EPHA5: variants seen among roughly 807,000 people sequenced by gnomAD.
The protein encoded by EPHA5 is ephrin type-A receptor 5.
A neutral mutation model predicts 105.0 loss-of-function variants in EPHA5; 60 were observed. That is an observed-to-expected ratio of 0.57 (90% CI 0.46 to 0.71). EPHA5 has a LOEUF of 0.71. EPHA5 is among the 30% of genes least tolerant of loss of function. The pLI is 0.00. For synonymous variants in EPHA5, 513 were observed against 449.1 expected, an observed-to-expected ratio of 1.14 and a Z score of -1.80; for missense variants, 1,218 against 1,274.7, an observed-to-expected ratio of 0.96 and a Z score of 0.68.
chr4:65,493,314 T>G (rs1227001522), intron 4 of EPHA5, among the ~76,000 whole-genome samples: 1 of 152,088 alleles, frequency 6.6e-6, no homozygotes, highest in Admixed American at 6.6e-5. Flanking sequence ...TCATCAGGAT[T>G]TTAGGTTTTA....
chr4:65,523,621 T>G (rs377582256), intron 3 of EPHA5, among the ~76,000 whole-genome samples: 18 of 152,108 alleles, frequency 1.2e-4, no homozygotes, highest in African/African-American at 4.1e-4. Context: ...CTATGGTATT[T>G]TCCTTTATAG....
At chr4:65,645,587 A>T (rs1748045999) in intron 1 of EPHA5, among the ~76,000 whole-genome samples, 1 of 151,960 alleles carries the variant, frequency 6.6e-6, no homozygotes, top group Non-Finnish European at 1.5e-5. Flanking sequence ...CACTTGAATT[A>T]GGTTTAAACT....
At chr4:65,644,091 A>G (rs1053250097) in intron 1 of EPHA5, among the ~76,000 whole-genome samples, 5 of 152,138 alleles carry the variant, frequency 3.3e-5, no homozygotes, top group Middle Eastern at 3.4e-3. Flanking sequence ...TCTAAAAAGG[A>G]TGTTTCATGT....
chr4:65,470,469 C>T (rs951930198), intron 5 of EPHA5, among the ~76,000 whole-genome samples: 3 of 152,056 alleles, frequency 2.0e-5, no homozygotes, highest in African/African-American at 7.2e-5. Flanking sequence ...TGGCATTACA[C>T]GTGTGAACCA....
intron 2 of EPHA5, among the ~76,000 whole-genome samples, chr4:65,619,963 TG>T (rs1269766307): frequency 1.3e-5 from 2 of 151,116 alleles, no homozygotes; most frequent in African/African-American, 4.8e-5. Context: ...TTCATCCCTA[TG>T]CTCAATTTGA....
intron 14 of EPHA5, among the ~76,000 whole-genome samples, chr4:65,340,728 A>G (rs1353533015): frequency 6.6e-6 from 1 of 152,150 alleles, no homozygotes; most frequent in African/African-American, 2.4e-5. Flanking sequence ...TGTTTTCTGA[A>G]CCTATGCGAA....
chr4:65,404,243 A>G (rs1203373501), intron 8 of EPHA5, 131 bp downstream of exon 8: 1 of 651,462 alleles, frequency 1.5e-6, no homozygotes, highest in African/African-American at 1.8e-5. Flanking sequence ...GAATTGCATC[A>G]TGTATTGAGA....
At chr4:65,625,477 A>G (rs1746053035) in intron 2 of EPHA5, among the ~76,000 whole-genome samples, 1 of 152,200 alleles carries the variant, frequency 6.6e-6, no homozygotes. Context: ...CCAGTCATCA[A>G]CTGATGCCAG....
At chr4:65,395,112 T>C (rs1475015157) in intron 8 of EPHA5, among the ~76,000 whole-genome samples, 4 of 152,180 alleles carry the variant, frequency 2.6e-5, no homozygotes, top group Non-Finnish European at 5.9e-5. Flanking sequence ...AGTCATTGCT[T>C]TGACTAACAT....
Position 65,450,696 on chromosome 4 carries a change from C to T in EPHA5, c.1403-30131G>A, listed in dbSNP as rs191723505. Among the ~76,000 whole-genome samples the T allele has an allele frequency of 7.4e-4, 112 of 152,246 alleles. 1 individual carries two copies. Among genetic ancestry groups the T allele is most frequent in the African/African-American group, 2.6e-3 (108 of 41,560 alleles). ...TGGATTAAAAAATAAAAGTGACATA[C>T]TTGCAGCTCAATTCATTTTTTTGAC... is the stretch of plus-strand genomic sequence containing the variant. On this transcript the variant is annotated intron_variant, in intron 5 of 16. Coordinates refer to ENST00000613740, the MANE Select transcript of EPHA5 (RefSeq NM_001281766.3).
chr4:65,361,289 G>A (rs527714762), intron 11 of EPHA5, among the ~76,000 whole-genome samples: 1 of 151,758 alleles, frequency 6.6e-6, no homozygotes, highest in South Asian at 2.1e-4. Context: ...CCTGAAGGTC[G>A]AGTAGAGAGA....
intron 11 of EPHA5, among the ~76,000 whole-genome samples, chr4:65,361,225 A>C (rs931393999): frequency 6.6e-6 from 1 of 151,692 alleles, no homozygotes; most frequent in Non-Finnish European, 1.5e-5. Context: ...TCAAGATTGA[A>C]GGAAAAATGA....
At chr4:65,464,353 A>T (rs952876473) in intron 5 of EPHA5, among the ~76,000 whole-genome samples, 1 of 152,006 alleles carries the variant, frequency 6.6e-6, no homozygotes, top group Non-Finnish European at 1.5e-5. Context: ...AAACAACAAA[A>T]AGAAGAAGAT....
intron 3 of EPHA5, among the ~76,000 whole-genome samples, chr4:65,505,231 C>G (rs991896033): frequency 6.6e-6 from 1 of 151,958 alleles, no homozygotes; most frequent in African/African-American, 2.4e-5. Flanking sequence ...AAGCATTATG[C>G]CTTCTCTACT....
At chr4:65,414,024 AG>A (rs1723156249) in intron 7 of EPHA5, among the ~76,000 whole-genome samples, 1 of 152,196 alleles carries the variant, frequency 6.6e-6, no homozygotes, top group Non-Finnish European at 1.5e-5. Context: ...AGTCTTTAAA[AG>A]CAAGTTTAAA....
At chr4:65,511,380 A>G (rs1303128866) in intron 3 of EPHA5, among the ~76,000 whole-genome samples, 1 of 152,222 alleles carries the variant, frequency 6.6e-6, no homozygotes, top group African/African-American at 2.4e-5. Context: ...TTTAAAAAAT[A>G]AATGAAAGAT....
intron 3 of EPHA5, among the ~76,000 whole-genome samples, chr4:65,584,771 G>A (rs1403084195): frequency 6.6e-6 from 1 of 151,884 alleles, no homozygotes; most frequent in South Asian, 2.1e-4. Context: ...AGGATCAAGT[G>A]CCTAAGTGTT....
At chr4:65,638,694 G>T (rs754879133) in intron 2 of EPHA5, among the ~76,000 whole-genome samples, 26 of 152,146 alleles carry the variant, frequency 1.7e-4, no homozygotes, top group Admixed American at 6.5e-5. Flanking sequence ...AGTTGAGATC[G>T]TGCCATTGCA....
At chr4:65,378,974 T>C (rs1340462475) in intron 8 of EPHA5, among the ~76,000 whole-genome samples, 3 of 151,946 alleles carry the variant, frequency 2.0e-5, no homozygotes, top group African/African-American at 7.2e-5. Flanking sequence ...AAATGAACAA[T>C]TACTGGTTGT....
Sources: allele counts gnomAD v4.1 joint callset (sites outside exome capture counted in the v4.1 genomes callset), GRCh38; gene constraint gnomAD v4.1.1; transcripts MANE v1.5; gene names NCBI Gene and HGNC (gene_info 2026-07-23, HGNC 2026-07-21).